GASK1A: variants seen among roughly 807,000 people sequenced by gnomAD.
The protein encoded by GASK1A is Golgi-associated kinase 1A.
Under a neutral mutation model 41.2 loss-of-function variants are expected in GASK1A, and 40 were observed. The observed-to-expected ratio is 0.97, with a 90% CI of 0.75 to 1.27. The LOEUF (loss-of-function observed/expected upper bound fraction) is 1.27. Ranked by LOEUF, GASK1A falls within the 50% of genes most tolerant of loss-of-function variation. The probability of loss-of-function intolerance (pLI) is 0.00; values close to 1 mark genes in which losing one functional copy is unlikely to be tolerated. For missense variants in GASK1A, 678 were observed against 745.1 expected, an observed-to-expected ratio of 0.91 and a Z score of 1.05; for synonymous variants, 316 against 307.1, an observed-to-expected ratio of 1.03 and a Z score of -0.30.
chr3:43,005,615 C>T (rs144326025), intron 1 of GASK1A, among the ~76,000 whole-genome samples: 1 of 152,222 alleles, frequency 6.6e-6, no homozygotes, highest in Non-Finnish European at 1.5e-5. Flanking sequence ...GAGTAGTGAT[C>T]CTGCAATTGG....
At chr3:43,034,845 G>A (rs1487635782) in intron 2 of GASK1A, among the ~76,000 whole-genome samples, 1 of 152,198 alleles carries the variant, frequency 6.6e-6, no homozygotes, top group Non-Finnish European at 1.5e-5. Context: ...CCCCTTTGGA[G>A]GTTGCCATAC....
chr3:43,021,957 G>A (rs2089524579), intron 1 of GASK1A, among the ~76,000 whole-genome samples: 1 of 152,212 alleles, frequency 6.6e-6, no homozygotes, highest in Admixed American at 6.5e-5. Context: ...GAGAGTAGCT[G>A]TAGAACCACA....
chr3:43,053,473 G>GAGGC, intron 2 of GASK1A, 48 bp from the exon 3 acceptor site: 2 of 1,492,616 alleles, frequency 1.3e-6, no homozygotes, highest in Non-Finnish European at 1.8e-6. Context: ...ATGCCTGGTG[G>GAGGC]AGGCAGGCCC....
chr3:42,980,333 G>A (rs1446156218), intron 1 of GASK1A, among the ~76,000 whole-genome samples: 1 of 152,020 alleles, frequency 6.6e-6, no homozygotes, highest in Non-Finnish European at 1.5e-5. Context: ...TGGCCCAGGC[G>A]GCTTAGCTAA....
At chr3:43,055,614 T>A in intron 4 of GASK1A, 79 bp downstream of exon 4, 1 of 1,038,452 alleles carries the variant, frequency 9.6e-7, no homozygotes, top group South Asian at 1.4e-5. Context: ...GACCTTCAAC[T>A]GTGGCCCTGA....
intron 1 of GASK1A, among the ~76,000 whole-genome samples, chr3:43,001,923 C>T (rs772543221): frequency 2.1e-4 from 32 of 152,174 alleles, no homozygotes; most frequent in Non-Finnish European, 4.1e-4. Flanking sequence ...CTTTCCCACC[C>T]GCAGTTGTGG....
chr3:43,010,891 T>C (rs893076243), intron 1 of GASK1A, among the ~76,000 whole-genome samples: 1 of 152,196 alleles, frequency 6.6e-6, no homozygotes, highest in African/African-American at 2.4e-5. Flanking sequence ...CTACCATATT[T>C]GCTTGAAGTA....
At chr3:43,029,765 C>A (rs1319219953) in intron 1 of GASK1A, among the ~76,000 whole-genome samples, 1 of 152,138 alleles carries the variant, frequency 6.6e-6, no homozygotes, top group African/African-American at 2.4e-5. Context: ...GCCATGGGCA[C>A]TTTTTACAGC....
At chr3:43,043,346 C>A (rs1386792290) in intron 2 of GASK1A, among the ~76,000 whole-genome samples, 3 of 152,198 alleles carry the variant, frequency 2.0e-5, no homozygotes, top group Non-Finnish European at 4.4e-5. Flanking sequence ...ACCTTCCCAC[C>A]CCCACAGCTG....
chr3:42,985,584 T>TGGGG (rs1262469017), intron 1 of GASK1A, among the ~76,000 whole-genome samples: 541 of 136,312 alleles, frequency 4.0e-3, no homozygotes, highest in Non-Finnish European at 5.6e-3. Flanking sequence ...TGTGTGTGTG[T>TGGGG]GTGGGCGGAG....
At chr3:43,008,529 A>AT (rs2089447780) in intron 1 of GASK1A, among the ~76,000 whole-genome samples, 1 of 152,236 alleles carries the variant, frequency 6.6e-6, no homozygotes, top group Non-Finnish European at 1.5e-5. Flanking sequence ...AGACTCACTG[A>AT]AGGAAAAAGG....
intron 1 of GASK1A, among the ~76,000 whole-genome samples, chr3:42,991,495 A>G (rs1171338519): frequency 1.3e-5 from 2 of 152,198 alleles, no homozygotes; most frequent in Non-Finnish European, 2.9e-5. Context: ...AATCTTGCAT[A>G]CACACTCACA....
chr3:43,010,068 TGCCTCCTGCC>T (rs2089455809), intron 1 of GASK1A, among the ~76,000 whole-genome samples: 1 of 152,196 alleles, frequency 6.6e-6, no homozygotes, highest in African/African-American at 2.4e-5. Flanking sequence ...TGGAGGAAGC[TGCCTCCTGCC>T]CCAGGGTGCT....
chr3:42,980,762 A>G (rs2089278804), intron 1 of GASK1A, among the ~76,000 whole-genome samples: 1 of 152,128 alleles, frequency 6.6e-6, no homozygotes, highest in Admixed American at 6.6e-5. Context: ...CCTAACACCT[A>G]TCCAGCTTCA....
chr3:42,999,879 G>A (rs1319059689), intron 1 of GASK1A, among the ~76,000 whole-genome samples: 2 of 152,078 alleles, frequency 1.3e-5, no homozygotes, highest in Admixed American at 1.3e-4. Flanking sequence ...CTTGTGCCAG[G>A]AATTCCTCTA....
chr3:42,980,948 G>T (rs1055353856), intron 1 of GASK1A, among the ~76,000 whole-genome samples: 1 of 152,208 alleles, frequency 6.6e-6, no homozygotes, highest in East Asian at 1.9e-4. Context: ...ACTCCGAGGG[G>T]CATTAGCATG....
intron 2 of GASK1A, among the ~76,000 whole-genome samples, chr3:43,051,671 GC>G (rs1264249636): frequency 6.7e-4 from 102 of 152,150 alleles, no homozygotes; most frequent in Non-Finnish European, 2.6e-4. Flanking sequence ...GTCTCAGACA[GC>G]CATGGTGTTG....
In GASK1A at chr3:42,989,135, A is replaced by T. The variant is rs141634466; in HGVS notation, c.3+9490A>T. On this transcript the variant is annotated intron_variant, in intron 1 of 4. Coordinates refer to ENST00000430121, the MANE Select transcript of GASK1A (RefSeq NM_001129908.3). ...CCTTTCATTCTTATCTACAAAGGAG[A>T]TGAATGAACTGCAGCCCAGGGATAA... 3.8e-3 allele frequency among the ~76,000 whole-genome samples: 583 copies of T among 152,312 alleles called. 6 individuals carry two copies. The highest frequency in any genetic ancestry group is 0.014 in the African/African-American group (566 of 41,566).
At chr3:43,019,493 AT>A (rs1243322706) in intron 1 of GASK1A, among the ~76,000 whole-genome samples, 1 of 152,224 alleles carries the variant, frequency 6.6e-6, no homozygotes, top group Non-Finnish European at 1.5e-5. Context: ...GGACTGGGAC[AT>A]GTGGTTTTAA....
Sources: gnomAD v4.1 joint callset for allele counts (sites outside exome capture counted in the v4.1 genomes callset) on GRCh38, gnomAD v4.1.1 for gene constraint, MANE v1.5 for transcripts, NCBI Gene and HGNC (gene_info 2026-07-23, HGNC 2026-07-21) for gene names.